The following TMLHE variants were observed in gnomAD, a reference collection of about 807,000 sequenced individuals.
TMLHE encodes the protein trimethyllysine dioxygenase, mitochondrial.
A neutral mutation model predicts 25.7 loss-of-function variants in TMLHE; 18 were observed. The observed-to-expected ratio is 0.70, with a 90% CI of 0.48 to 1.04. TMLHE has a LOEUF of 1.04. Among genes scored for constraint, TMLHE ranks in the 50% least tolerant of loss-of-function variants. TMLHE has a pLI of 0.00. For missense variants in TMLHE, 236 were observed against 259.0 expected, an observed-to-expected ratio of 0.91 and a Z score of 0.61; for synonymous variants, 105 against 97.0, an observed-to-expected ratio of 1.08 and a Z score of -0.49.
At chrX:155,595,270 T>G (rs782653029) in intron 1 of TMLHE, among the ~76,000 whole-genome samples, 1 of 112,075 alleles carries the variant, frequency 8.9e-6, no homozygotes, top group East Asian at 2.8e-4. Flanking sequence ...TGGGTGGGCT[T>G]AGGTATTATG....
At chrX:155,603,248 T>C (rs1603099436) in intron 1 of TMLHE, among the ~76,000 whole-genome samples, 1 of 111,162 alleles carries the variant, frequency 9.0e-6, no homozygotes, top group East Asian at 2.8e-4. Context: ...GAGGATCGTT[T>C]GAGCCTGGGA....
chrX:155,510,513 T>C (rs1320381288), intron 5 of TMLHE, among the ~76,000 whole-genome samples: 5 of 103,909 alleles, frequency 4.8e-5, no homozygotes, highest in Admixed American at 1.1e-4. Flanking sequence ...GGTTTGTTGT[T>C]CTTGTGATAG....
intron 1 of TMLHE, among the ~76,000 whole-genome samples, chrX:155,576,695 A>G (rs1264480752): frequency 8.9e-6 from 1 of 112,018 alleles, no homozygotes; most frequent in East Asian, 2.8e-4. Context: ...GAGCCCAGAA[A>G]TAAAGTTGTG....
chrX:155,597,051 C>G (rs1186246677), intron 1 of TMLHE, among the ~76,000 whole-genome samples: 1 of 81,457 alleles, frequency 1.2e-5, no homozygotes, highest in Non-Finnish European at 2.3e-5. Flanking sequence ...ACAACAGTCC[C>G]CAGTGTGTGA....
At chrX:155,607,390 C>A (rs782353132) in intron 1 of TMLHE, among the ~76,000 whole-genome samples, 95 of 111,138 alleles carry the variant, frequency 8.5e-4, no homozygotes, top group Non-Finnish European at 1.5e-3. Context: ...ATATTAAAAA[C>A]CCTCAAAAAA....
intron 4 of TMLHE, among the ~76,000 whole-genome samples, chrX:155,513,129 C>G (rs1217865731): frequency 4.5e-5 from 5 of 111,168 alleles, no homozygotes; most frequent in African/African-American, 1.6e-4. Flanking sequence ...TCTACCAGCA[C>G]AGGGAAGAAG....
chrX:155,591,603 T>G (rs1188124925), intron 1 of TMLHE, among the ~76,000 whole-genome samples: 2 of 111,699 alleles, frequency 1.8e-5, no homozygotes, highest in Non-Finnish European at 3.8e-5. Context: ...AGGGGAAATT[T>G]TTTTTGAACT....
intron 1 of TMLHE, among the ~76,000 whole-genome samples, chrX:155,556,385 A>G (rs1358033758): frequency 1.8e-5 from 2 of 111,227 alleles, no homozygotes; most frequent in African/African-American, 3.3e-5. Context: ...TTTCCTAAGC[A>G]TCGGCTGGCT....
rs1389018026 is a variant in TMLHE at position 155,572,096 on chromosome X, A to G, written c.-1-26819T>C. ...TATATCTAGAAAACCCCATTGTCTC[A>G]GCCCAAAATCTCCTTAAGCTGATAA... On this transcript the variant is annotated intron_variant, in intron 1 of 7. Transcript: ENST00000334398. 1.2e-3 allele frequency among the ~76,000 whole-genome samples: 65 copies of G among 54,706 alleles called. 13 individuals carry two copies. The highest frequency in any genetic ancestry group is 2.9e-3 in the African/African-American group (65 of 22,416). The allele number at this position is 54,706 out of a possible 115,157, so 47.5% of individuals were successfully genotyped here. A position where few individuals can be genotyped will look rare whatever the true frequency, so the allele number is the denominator to read the frequency against.
chrX:155,598,116 C>A (rs952708472), intron 1 of TMLHE, among the ~76,000 whole-genome samples: 16 of 111,645 alleles, frequency 1.4e-4, no homozygotes, highest in African/African-American at 5.2e-4. Flanking sequence ...AGTCCAAGAG[C>A]TAATAGATAC....
chrX:155,573,226 G>T (rs1175246570), intron 1 of TMLHE, among the ~76,000 whole-genome samples: 1 of 58,113 alleles, frequency 1.7e-5, no homozygotes, highest in Non-Finnish European at 4.5e-5. Flanking sequence ...ACAGACACAT[G>T]AAAAAATGCT....
intron 1 of TMLHE, chrX:155,612,503 CTCCAGCTCT>C (rs1285151387): frequency 1.8e-5 from 2 of 112,654 alleles, no homozygotes; most frequent in Non-Finnish European, 3.8e-5. Flanking sequence ...CGCGAGCTTG[CTCCAGCTCT>C]TCCAGCTCTT....
intron 1 of TMLHE, among the ~76,000 whole-genome samples, chrX:155,577,421 T>G (rs976193959): frequency 4.6e-5 from 5 of 108,900 alleles, no homozygotes; most frequent in African/African-American, 1.7e-4. Flanking sequence ...CTACTAAAAA[T>G]AAAAAAAATT....
In TMLHE at chrX:155,568,317, T is replaced by TA. The variant is rs1259818515; in HGVS notation, c.-1-23041dup. Among the ~76,000 whole-genome samples the TA allele has an allele frequency of 1.2e-4, 7 of 60,562 alleles. 1 individual carries two copies. The highest frequency in any genetic ancestry group is 2.6e-4 in the African/African-American group (7 of 27,385). 52.6% of individuals were successfully genotyped at this position (60,562 alleles called of 115,157 possible). A position where few individuals can be genotyped will look rare whatever the true frequency, so the allele number is the denominator to read the frequency against. On this transcript the variant is annotated intron_variant, in intron 1 of 7. Transcript: ENST00000334398. ...CCACCATTGCCCAGGCTTCCTTAGG[T>TA]AAAAAAAGCAGCCGGGAAGCTCGAA...
Position 155,606,021 on chromosome X carries a change from T to C in TMLHE, c.-2+6771A>G, listed in dbSNP as rs186132310. 9.0e-5 allele frequency among the ~76,000 whole-genome samples: 10 copies of C among 111,632 alleles called. No individual in the cohort carries two copies. The East Asian group carries it at 2.5e-3, about 28-fold the overall frequency. On this transcript the variant is annotated intron_variant, in intron 1 of 7. Coordinates refer to ENST00000334398, the MANE Select transcript of TMLHE (RefSeq NM_018196.4). ...AAAAGGCAAAGAAGGACATTACAAA[T>C]GGTAAAGAGTCAACAAGAAGACTTA...
chrX:155,511,869 C>G, intron 4 of TMLHE, 77 bp from the exon 5 acceptor site: 1 of 988,404 alleles, frequency 1.0e-6, no homozygotes, highest in Non-Finnish European at 1.3e-6. Flanking sequence ...CTTCCAATAC[C>G]TTCTTTAGTT....
intron 6 of TMLHE, among the ~76,000 whole-genome samples, chrX:155,504,679 A>G (rs1287242507): frequency 9.0e-6 from 1 of 111,677 alleles, no homozygotes; most frequent in African/African-American, 3.3e-5. Flanking sequence ...TTCCACTCCT[A>G]GGTATTTACC....
Position 155,572,462 on chromosome X carries a change from C to T in TMLHE, c.-1-27185G>A, listed in dbSNP as rs1336203753. Among the ~76,000 whole-genome samples the T allele has an allele frequency of 5.3e-5, 3 of 56,421 alleles. 1 individual carries two copies. The highest frequency in any genetic ancestry group is 1.3e-4 in the African/African-American group (3 of 23,376). The allele number at this position is 56,421 out of a possible 115,157, so 49.0% of individuals were successfully genotyped here. ...TCCCCATCAAGCTACCAATGACTTT[C>T]TTCATAGAATTAGAAAAAACTACTT... is the stretch of plus-strand genomic sequence containing the variant. On this transcript the variant is annotated intron_variant, in intron 1 of 7. Transcript: ENST00000334398.
At chrX:155,549,490 T>TAG (rs1557339685) in intron 1 of TMLHE, among the ~76,000 whole-genome samples, 1 of 110,960 alleles carries the variant, frequency 9.0e-6, no homozygotes, top group Non-Finnish European at 1.9e-5. Flanking sequence ...ATTTTATGGC[T>TAG]TGTTGCTTTA....
Sources: gnomAD v4.1 joint callset for allele counts (sites outside exome capture counted in the v4.1 genomes callset) on GRCh38, gnomAD v4.1.1 for gene constraint, MANE v1.5 for transcripts, NCBI Gene and HGNC (gene_info 2026-07-23, HGNC 2026-07-21) for gene names.